Variants in DCDC2C observed in about 807,000 individuals in gnomAD.
The protein encoded by DCDC2C is doublecortin domain-containing protein 2C.
DCDC2C carries 44 observed loss-of-function variants against 45.0 expected under a neutral mutation model. That is an observed-to-expected ratio of 0.98 (90% CI 0.77 to 1.26). DCDC2C has a LOEUF of 1.26. DCDC2C is among the 50% of genes most tolerant of loss of function. The pLI is 0.00. For synonymous variants in DCDC2C, 187 were observed against 178.8 expected (o/e 1.05, Z -0.37); for missense variants, 447 against 468.9 (o/e 0.95, Z 0.43).
intron 10 of DCDC2C, among the ~76,000 whole-genome samples, chr2:3,832,737 C>T (rs951993533): frequency 2.0e-5 from 3 of 152,126 alleles, no homozygotes; most frequent in East Asian, 1.9e-4. Context: ...ATGGTGTGGC[C>T]CCAGCACTGA....
chr2:3,808,153 G>C (rs1017038788), intron 10 of DCDC2C, among the ~76,000 whole-genome samples: 16 of 152,172 alleles, frequency 1.1e-4, no homozygotes, highest in African/African-American at 3.4e-4. Context: ...GGATGGAAGT[G>C]AATGGAAGTT....
intron 10 of DCDC2C, among the ~76,000 whole-genome samples, chr2:3,834,837 G>A (rs1405310232): frequency 1.3e-5 from 2 of 152,208 alleles, no homozygotes; most frequent in Non-Finnish European, 2.9e-5. Flanking sequence ...ATGGAGTGAG[G>A]ATGGCTGAGG....
chr2:3,767,583 A>G (rs1342969387), intron 6 of DCDC2C, among the ~76,000 whole-genome samples, 171 bp from the exon 7 acceptor site: 3 of 152,200 alleles, frequency 2.0e-5, no homozygotes, highest in Admixed American at 1.3e-4. Flanking sequence ...GAATGCAAGT[A>G]ATAGAGCAGA....
At chr2:3,744,868 C>G (rs1669316260) in intron 4 of DCDC2C, among the ~76,000 whole-genome samples, 1 of 152,062 alleles carries the variant, frequency 6.6e-6, no homozygotes, top group African/African-American at 2.4e-5. Context: ...CTCCATGCTC[C>G]CAGAATGCAG....
intron 10 of DCDC2C, among the ~76,000 whole-genome samples, chr2:3,809,264 A>G (rs1430095888): frequency 6.6e-6 from 1 of 152,154 alleles, no homozygotes; most frequent in Admixed American, 6.5e-5. Flanking sequence ...TGACTTGTCA[A>G]TTTCTGTAGC....
At chr2:3,755,279 G>A (rs540433075) in intron 6 of DCDC2C, among the ~76,000 whole-genome samples, 83 of 151,822 alleles carry the variant, frequency 5.5e-4, no homozygotes, top group Non-Finnish European at 9.9e-4. Flanking sequence ...ATGGATGCAT[G>A]TGTATGTGGA....
At chr2:3,835,989 T>G (rs755185148) in intron 10 of DCDC2C, among the ~76,000 whole-genome samples, 76 of 152,108 alleles carry the variant, frequency 5.0e-4, no homozygotes, top group Non-Finnish European at 4.4e-4. Flanking sequence ...CATGATCCTT[T>G]TACCTTGACC....
intron 4 of DCDC2C, among the ~76,000 whole-genome samples, chr2:3,742,909 A>G (rs1377196115): frequency 6.6e-6 from 1 of 152,234 alleles, no homozygotes; most frequent in African/African-American, 2.4e-5. Flanking sequence ...TCCCATTTGC[A>G]TGAATGAAAG....
At chr2:3,768,666 C>T (rs112785092) in intron 7 of DCDC2C, among the ~76,000 whole-genome samples, 15 of 152,274 alleles carry the variant, frequency 9.9e-5, no homozygotes, top group South Asian at 6.2e-4. Context: ...CTCTGCCTCC[C>T]GAGTTCAAGT....
At chr2:3,705,143 T>C (rs1261492878) in intron 1 of DCDC2C, among the ~76,000 whole-genome samples, 1 of 152,178 alleles carries the variant, frequency 6.6e-6, no homozygotes, top group South Asian at 2.1e-4. Flanking sequence ...TTGTTTGTTG[T>C]TTTTTGAAAA....
chr2:3,838,616 G>T (rs182141037), intron 10 of DCDC2C, among the ~76,000 whole-genome samples: 1 of 152,300 alleles, frequency 6.6e-6, no homozygotes, highest in East Asian at 1.9e-4. Context: ...AAGGGTTTTA[G>T]GGAGGAGGAT....
intron 4 of DCDC2C, among the ~76,000 whole-genome samples, chr2:3,745,486 A>C (rs571598818): frequency 6.6e-6 from 1 of 152,200 alleles, no homozygotes; most frequent in Non-Finnish European, 1.5e-5. Context: ...GCTTAGAAAT[A>C]AAAGAAATGC....
At chr2:3,747,655 G>T (rs558469594) in intron 4 of DCDC2C, among the ~76,000 whole-genome samples, 2 of 152,206 alleles carry the variant, frequency 1.3e-5, no homozygotes, top group South Asian at 4.1e-4. Flanking sequence ...CGCCCATCTC[G>T]CAGTAGAAGT....
chr2:3,762,161 C>A (rs1209364459), intron 6 of DCDC2C, among the ~76,000 whole-genome samples: 1 of 36,562 alleles, frequency 2.7e-5, no homozygotes, highest in African/African-American at 6.2e-5. Flanking sequence ...CTTGCTTGAA[C>A]CTTTTTTTTT....
intron 10 of DCDC2C, among the ~76,000 whole-genome samples, chr2:3,840,537 T>G (rs879725185): frequency 6.6e-6 from 1 of 152,246 alleles, no homozygotes; most frequent in Non-Finnish European, 1.5e-5. Context: ...CATAGTTGTA[T>G]TTTTTACTGA....
intron 3 of DCDC2C, among the ~76,000 whole-genome samples, chr2:3,731,506 C>T (rs534166839): frequency 6.6e-6 from 1 of 152,308 alleles, no homozygotes; most frequent in South Asian, 2.1e-4. Context: ...GCTTGAAGAG[C>T]TAACCGGGAG....
intron 10 of DCDC2C, among the ~76,000 whole-genome samples, chr2:3,789,832 T>G (rs1670757795): frequency 6.6e-6 from 1 of 152,208 alleles, no homozygotes; most frequent in African/African-American, 2.4e-5. Context: ...TTTTGAAAAC[T>G]AGGAAATTTT....
At position 3,727,079 on chromosome 2, in the gene DCDC2C, A is replaced by G. The variant is rs1356973663; in HGVS notation, c.416A>G (p.Asn139Ser). 6.5e-7 allele frequency: 1 copy of G among 1,547,760 alleles called. No individual in the cohort carries two copies. Among genetic ancestry groups the G allele is most frequent in the East Asian group, 2.4e-5 (1 of 40,866 alleles). The part of the protein sequence containing the change: ...QTYHRISRHI[N>S]VFTNGRLFIP... Reference sequence around the variant, plus strand: ...TATCATCGTATATCTCGACATATAAAGTGAGTATAATATTATGGGTGAAAA... The same window carrying G: ...TATCATCGTATATCTCGACATATAAGGTGAGTATAATATTATGGGTGAAAA... The change falls in exon 3 of 11, where the codon AAT becomes AGT. Residue 139 changes from asparagine (N) to serine (S), a missense_variant and splice_region_variant. Transcript: ENST00000399143.
intron 10 of DCDC2C, among the ~76,000 whole-genome samples, chr2:3,821,307 T>C (rs975579710): frequency 6.6e-6 from 1 of 152,188 alleles, no homozygotes; most frequent in African/African-American, 2.4e-5. Flanking sequence ...TCACAGGGGA[T>C]ATGATGGTTT....
Sources: gnomAD v4.1 joint callset for allele counts (sites outside exome capture counted in the v4.1 genomes callset) on GRCh38, gnomAD v4.1.1 for gene constraint, MANE v1.5 for transcripts, NCBI Gene and HGNC (gene_info 2026-07-23, HGNC 2026-07-21) for gene names.